Variants in FBXO47 observed in about 807,000 individuals in gnomAD.
The protein encoded by FBXO47 is F-box only protein 47.
FBXO47 carries 34 observed loss-of-function variants against 53.9 expected under a neutral mutation model. The observed-to-expected ratio is 0.63, with a 90% confidence interval of 0.48 to 0.84. The LOEUF is 0.84. Among genes scored for constraint, FBXO47 ranks in the 40% least tolerant of loss-of-function variants. FBXO47 has a pLI of 0.00. For missense variants in FBXO47, 485 were observed against 541.3 expected, an observed-to-expected ratio of 0.90 and a Z score of 1.03; for synonymous variants, 165 against 181.6, an observed-to-expected ratio of 0.91 and a Z score of 0.73.
At chr17:38,946,217 AATATATATAAATATATACAAAT>A (rs1904789972) in intron 6 of FBXO47, among the ~76,000 whole-genome samples, 1 of 112,244 alleles carries the variant, frequency 8.9e-6, no homozygotes, top group Non-Finnish European at 1.6e-5. Context: ...TATATACAAA[AATATATATAAATATATACAAAT>A]ATATATAAAT....
chr17:38,937,352 T>C, intron 10 of FBXO47, 62 bp from the exon 11 acceptor site: 2 of 566,546 alleles, frequency 3.5e-6, no homozygotes, highest in Non-Finnish European at 5.8e-6. Context: ...ATATAATTTA[T>C]TTTATTAATT....
At chr17:38,959,160 AAAC>A (rs1905694696) in intron 3 of FBXO47, among the ~76,000 whole-genome samples, 1 of 152,094 alleles carries the variant, frequency 6.6e-6, no homozygotes, top group Non-Finnish European at 1.5e-5. Flanking sequence ...TAAAAAAAAA[AAAC>A]AACCACAGGT....
At chr17:38,947,680 C>T (rs960056571) in intron 6 of FBXO47, among the ~76,000 whole-genome samples, 3 of 152,118 alleles carry the variant, frequency 2.0e-5, no homozygotes, top group Admixed American at 6.6e-5. Context: ...GAGGTTGAGG[C>T]GGGTGGATCA....
chr17:38,947,890 G>A (rs1488480749), intron 6 of FBXO47, among the ~76,000 whole-genome samples: 3 of 152,056 alleles, frequency 2.0e-5, no homozygotes, highest in Admixed American at 6.6e-5. Flanking sequence ...TAGCCTGGGC[G>A]ACAGAGCCAG....
intron 9 of FBXO47, among the ~76,000 whole-genome samples, chr17:38,939,323 A>AAAAAAAAT (rs1555559726): frequency 6.0e-5 from 3 of 50,170 alleles, no homozygotes; most frequent in Admixed American, 2.2e-4. Flanking sequence ...AAAAAAAAAA[A>AAAAAAAAT]ATATATATAT....
At chr17:38,967,047 GC>G (rs1041024789) in intron 1 of FBXO47, among the ~76,000 whole-genome samples, 181 bp downstream of exon 1, 1 of 151,778 alleles carries the variant, frequency 6.6e-6, no homozygotes, top group Admixed American at 6.6e-5. Context: ...TCTTGTAAGG[GC>G]CCCACCCCAT....
At chr17:38,961,386 T>C (rs1905807335) in intron 3 of FBXO47, among the ~76,000 whole-genome samples, 1 of 152,228 alleles carries the variant, frequency 6.6e-6, no homozygotes, top group East Asian at 1.9e-4. Flanking sequence ...AGAAAGATTA[T>C]ACAGAATTTG....
At chr17:38,962,095 G>T (rs1306884913) in intron 2 of FBXO47, 48 bp from the exon 3 acceptor site, 1 of 1,436,350 alleles carries the variant, frequency 7.0e-7, no homozygotes, top group Non-Finnish European at 9.6e-7. Flanking sequence ...TTAAATGCAA[G>T]AACGTCACTA....
rs1047441874 is a variant in FBXO47, at chr17:38,957,202, T to C, written c.404A>G (p.Lys135Arg). 6.2e-7 allele frequency: 1 copy of C among 1,610,688 alleles called. No homozygotes were observed. The highest frequency in any genetic ancestry group is 1.7e-5 in the Admixed American group (1 of 59,982). Residue 135 changes from lysine to arginine, a missense_variant, in exon 4 of 11, where the codon AAA (lysine) becomes AGA (arginine). Coordinates refer to ENST00000378079, the MANE Select transcript of FBXO47 (RefSeq NM_001008777.3). The part of the protein sequence containing the change: ...TLLLPTKERL[K>R]YIHKILTEVS... ...TTCTGTGAGTATCTTGTGAATGTAT[T>C]TTAGCCTTTCCTTGGTGGGTAGCAG... is the stretch of plus-strand genomic sequence containing the variant.
intron 10 of FBXO47, 108 bp downstream of exon 10, chr17:38,938,465 T>TC (rs1222008041): frequency 4.0e-6 from 3 of 740,910 alleles, no homozygotes; most frequent in Non-Finnish European, 6.0e-6. Flanking sequence ...GAAATAGCTT[T>TC]TTTTTTTTTT....
chr17:38,961,848 CT>C, intron 3 of FBXO47, 28 bp downstream of exon 3: 1 of 1,587,774 alleles, frequency 6.3e-7, no homozygotes, highest in South Asian at 1.1e-5. Context: ...CAGTTCTTTA[CT>C]TGTTGCAATT....
intron 9 of FBXO47, among the ~76,000 whole-genome samples, chr17:38,941,612 A>T (rs959179755): frequency 1.2e-5 from 1 of 80,954 alleles, no homozygotes; most frequent in Non-Finnish European, 2.5e-5. Flanking sequence ...TATTAAATAA[A>T]TATAATATTA....
intron 3 of FBXO47, among the ~76,000 whole-genome samples, chr17:38,961,053 T>C (rs1905791582): frequency 2.0e-5 from 3 of 152,336 alleles, no homozygotes; most frequent in Admixed American, 1.3e-4. Context: ...GATACTTTTC[T>C]TTCATTTGGT....
chr17:38,937,126 C>T lies in FBXO47; in HGVS notation c.*49G>A, dbSNP rs1915598001. The stretch of plus-strand genomic sequence containing the variant: ...TTTTGAGTGAAAAAGTAGCACTCCT[C>T]TAATCATTCGTTCAGTGACGTTCTC... On this transcript the variant is annotated 3_prime_UTR_variant, in exon 11 of 11. Transcript: ENST00000378079. The T allele has an allele frequency of 5.2e-6, 4 of 770,944 alleles. No homozygotes were observed. The highest frequency in any genetic ancestry group is 8.6e-6 in the Non-Finnish European group (4 of 466,684). 47.8% of individuals were successfully genotyped at this position (770,944 alleles called of 1,614,324 possible).
intron 10 of FBXO47, among the ~76,000 whole-genome samples, chr17:38,938,225 A>C (rs2143873931): frequency 6.6e-6 from 1 of 152,322 alleles, no homozygotes; most frequent in East Asian, 1.9e-4. Flanking sequence ...ATTTACAAAT[A>C]TATTTTTATG....
chr17:38,945,632 C>T (rs1417740787), intron 6 of FBXO47, among the ~76,000 whole-genome samples: 2 of 151,800 alleles, frequency 1.3e-5, no homozygotes, highest in Admixed American at 6.6e-5. Context: ...AACCCTGTCT[C>T]TACTAAAAAT....
intron 6 of FBXO47, among the ~76,000 whole-genome samples, chr17:38,947,308 C>T: frequency 6.6e-6 from 1 of 151,200 alleles, no homozygotes; most frequent in South Asian, 2.1e-4. Context: ...TAAACAACAA[C>T]AAAAAAAGAA....
At chr17:38,947,624 T>A (rs1314833939) in intron 6 of FBXO47, among the ~76,000 whole-genome samples, 1 of 152,120 alleles carries the variant, frequency 6.6e-6, no homozygotes, top group Admixed American at 6.6e-5. Flanking sequence ...AATTTTAGAT[T>A]AACGGCCAGG....
At chr17:38,954,966 C>G in intron 4 of FBXO47, 33 bp from the exon 5 acceptor site, 1 of 1,431,282 alleles carries the variant, frequency 7.0e-7, no homozygotes, top group Non-Finnish European at 9.7e-7. Context: ...ACCTCCTTGT[C>G]AGTGAAACTA....
Sources: gnomAD v4.1 joint callset for allele counts (sites outside exome capture counted in the v4.1 genomes callset) on GRCh38, gnomAD v4.1.1 for gene constraint, MANE v1.5 for transcripts, NCBI Gene and HGNC (gene_info 2026-07-23, HGNC 2026-07-21) for gene names.